Variants in ANKFN1 observed in about 807,000 individuals in gnomAD.
ANKFN1 encodes ankyrin repeat and fibronectin type-III domain-containing protein 1.
In ANKFN1, 74 loss-of-function variants were observed where a neutral mutation model predicts 108.7. The observed-to-expected ratio is 0.68, with a 90% CI of 0.56 to 0.83. The LOEUF is 0.83. Among genes scored for constraint, ANKFN1 ranks in the 40% least tolerant of loss-of-function variants. The pLI is 0.00. For missense variants in ANKFN1, 1,505 were observed against 1,382.3 expected (o/e 1.09, Z -1.41); for synonymous variants, 547 against 516.2 (o/e 1.06, Z -0.81).
At chr17:56,329,178 T>C (rs957609547) in intron 4 of ANKFN1, among the ~76,000 whole-genome samples, 1 of 152,144 alleles carries the variant, frequency 6.6e-6, no homozygotes, top group African/African-American at 2.4e-5. Context: ...GGCATGCAAG[T>C]TCTTTGGTGG....
intron 1 of ANKFN1, among the ~76,000 whole-genome samples, 96 bp from the exon 2 acceptor site, chr17:56,212,502 C>T (rs750650540): frequency 5.9e-5 from 9 of 152,046 alleles, no homozygotes; most frequent in Admixed American, 1.3e-4. Flanking sequence ...GTAGTTTTCT[C>T]TTTTTGCTAT....
intron 4 of ANKFN1, among the ~76,000 whole-genome samples, chr17:56,133,313 T>A (rs1907394839): frequency 6.6e-6 from 1 of 152,206 alleles, no homozygotes; most frequent in Non-Finnish European, 1.5e-5. Flanking sequence ...CTAGCTTGCA[T>A]GTGCACTATG....
chr17:56,184,220 C>T (rs796586586), intron 1 of ANKFN1, among the ~76,000 whole-genome samples: 20 of 152,180 alleles, frequency 1.3e-4, no homozygotes, highest in African/African-American at 4.6e-4. Flanking sequence ...TGTGGGTGAA[C>T]TTCATTGTTG....
intron 11 of ANKFN1, among the ~76,000 whole-genome samples, chr17:56,452,732 G>A (rs1474802116): frequency 1.3e-5 from 2 of 152,128 alleles, no homozygotes; most frequent in Non-Finnish European, 2.9e-5. Flanking sequence ...TTCCCAACTG[G>A]TAGCAGTACT....
chr17:56,190,888 T>A, intron 1 of ANKFN1, among the ~76,000 whole-genome samples: 1 of 79,956 alleles, frequency 1.3e-5, no homozygotes, highest in Non-Finnish European at 2.2e-5. Context: ...TTTATGAATC[T>A]GGGTGCTCCT....
chr17:56,334,958 T>G (rs952190491), intron 4 of ANKFN1, among the ~76,000 whole-genome samples: 1 of 152,140 alleles, frequency 6.6e-6, no homozygotes, highest in Non-Finnish European at 1.5e-5. Flanking sequence ...AGCCAGTTTT[T>G]CCAGCACCAT....
chr17:56,291,159 G>A (rs1259353413), intron 3 of ANKFN1, among the ~76,000 whole-genome samples: 1 of 152,024 alleles, frequency 6.6e-6, no homozygotes, highest in Non-Finnish European at 1.5e-5. Flanking sequence ...TTTCTGAGGG[G>A]GCAAAACATC....
intron 2 of ANKFN1, among the ~76,000 whole-genome samples, chr17:56,217,439 TAGAGC>T (rs1198852982): frequency 6.6e-6 from 1 of 152,240 alleles, no homozygotes; most frequent in African/African-American, 2.4e-5. Flanking sequence ...ACAGAATGCA[TAGAGC>T]AGTGGTTCTT....
In ANKFN1 at chr17:56,391,212, C is replaced by CATATATAT. The variant is rs202114506; in HGVS notation, c.910+16527_910+16534dup. On this transcript the variant is annotated intron_variant, in intron 8 of 20. Transcript: ENST00000682825. ...TTTGCAGGGTGAAGGCCCAAGAATA[C>CATATATAT]ATATATATATATATATATATATATA... Among the ~76,000 whole-genome samples, 814 of 121,084 alleles carry CATATATAT rather than the reference C, an allele frequency of 6.7e-3. 3 individuals are homozygous for CATATATAT. The highest frequency in any genetic ancestry group is 0.011 in the African/African-American group (261 of 24,650). 79.4% of individuals were successfully genotyped at this position (121,084 alleles called of 152,430 possible).
At chr17:56,386,337 G>C (rs2047268785) in intron 8 of ANKFN1, among the ~76,000 whole-genome samples, 1 of 152,020 alleles carries the variant, frequency 6.6e-6, no homozygotes. Flanking sequence ...GGGGGGAGCG[G>C]GGAGGGATAG....
chr17:56,287,455 G>T (rs188050094), intron 3 of ANKFN1, among the ~76,000 whole-genome samples: 41 of 152,230 alleles, frequency 2.7e-4, no homozygotes, highest in Admixed American at 2.2e-3. Context: ...AATGATATTC[G>T]TGAAGTGCAT....
At chr17:56,138,518 T>C (rs978561327) in intron 4 of ANKFN1, among the ~76,000 whole-genome samples, 1 of 151,306 alleles carries the variant, frequency 6.6e-6, no homozygotes, top group Non-Finnish European at 1.5e-5. Context: ...TTTTCTTTTT[T>C]TTTTTTTTTG....
At chr17:56,254,741 G>A (rs1384570563) in intron 3 of ANKFN1, among the ~76,000 whole-genome samples, 1 of 152,138 alleles carries the variant, frequency 6.6e-6, no homozygotes, top group Non-Finnish European at 1.5e-5. Flanking sequence ...ACAAGACAGA[G>A]GTACAGCAGA....
rs1370941819 is a variant in ANKFN1, at chr17:56,511,252, C to T, written c.3424C>T (p.Leu1142Phe). The T allele has an allele frequency of 1.3e-6, 2 of 1,528,626 alleles. No homozygotes were observed. Among genetic ancestry groups the T allele is most frequent in the Non-Finnish European group, 1.8e-6 (2 of 1,142,120 alleles). 94.7% of individuals were successfully genotyped at this position (1,528,626 alleles called of 1,614,324 possible). The change falls in exon 21 of 21, where the codon CTC becomes TTC. Residue 1142 changes from leucine to phenylalanine, a missense_variant. By Grantham distance (22) the Leu-to-Phe change is conservative (BLOSUM62 0). Transcript: ENST00000682825. ...GPTASPMSEILSSML is the reference protein window; with the variant it reads ...GPTASPMSEIFSSML ...CACCGCCTCTCCCATGTCAGAAATACTCAGCAGCATGCTTTAGGGAGGCCC... is the reference window on the plus strand; with the variant it reads ...CACCGCCTCTCCCATGTCAGAAATATTCAGCAGCATGCTTTAGGGAGGCCC...
rs1365206568 is a variant in ANKFN1, at chr17:56,195,394, G to T, written c.-70-17204G>T. On this transcript the variant is annotated intron_variant, in intron 1 of 20. Transcript: ENST00000682825. ...CCTAGCTCCTGCAGGCAAGTCCTTG[G>T]TAAATGTATATGGGACGAGTGCGTT... 2.0e-5 allele frequency: 3 copies of T among 152,174 alleles called. No individual in the cohort carries two copies. The East Asian group carries it at 5.8e-4, about 29-fold the overall frequency. 9.4% of individuals were successfully genotyped at this position (152,174 alleles called of 1,614,324 possible).
intron 4 of ANKFN1, among the ~76,000 whole-genome samples, chr17:56,104,268 G>A (rs530905973): frequency 6.6e-6 from 1 of 152,288 alleles, no homozygotes; most frequent in African/African-American, 2.4e-5. Flanking sequence ...AAAGCACAAG[G>A]CATTCCAATA....
intron 8 of ANKFN1, among the ~76,000 whole-genome samples, chr17:56,428,877 T>C (rs1287275756): frequency 1.3e-5 from 2 of 152,136 alleles, no homozygotes; most frequent in African/African-American, 2.4e-5. Flanking sequence ...TTTTTTTTTT[T>C]TTTCATTTTG....
In ANKFN1 at chr17:56,516,602, A is replaced by C. The variant is rs745975928; in HGVS notation, c.*5333A>C. Among the ~76,000 whole-genome samples the C allele has an allele frequency of 6.6e-6, 1 of 152,198 alleles. No homozygotes were observed. Among genetic ancestry groups the C allele is most frequent in the Non-Finnish European group, 1.5e-5 (1 of 68,032 alleles). ...TTTTTTGTATGTACATTTGAAAACT[A>C]TTTGAACAATCTAAATGTGTACTGT... On this transcript the variant is annotated 3_prime_UTR_variant, in exon 21 of 21. Transcript: ENST00000682825.
At chr17:56,271,701 C>T (rs2043798952) in intron 3 of ANKFN1, among the ~76,000 whole-genome samples, 1 of 152,074 alleles carries the variant, frequency 6.6e-6, no homozygotes, top group African/African-American at 2.4e-5. Context: ...GACCCAAACC[C>T]TTGGAATATT....
Sources: gnomAD v4.1 joint callset for allele counts (sites outside exome capture counted in the v4.1 genomes callset) on GRCh38, gnomAD v4.1.1 for gene constraint, MANE v1.5 for transcripts, NCBI Gene and HGNC (gene_info 2026-07-23, HGNC 2026-07-21) for gene names.